Variants in ADCK1 observed in about 807,000 individuals in gnomAD.
The protein encoded by ADCK1 is aarF domain containing kinase 1.
In ADCK1, 41 loss-of-function variants were observed where a neutral mutation model predicts 52.3. The observed-to-expected ratio is 0.78, with a 90% CI of 0.61 to 1.02. ADCK1 has a LOEUF of 1.02. ADCK1 is among the 50% of genes least tolerant of loss of function. The pLI is 0.00. For synonymous variants in ADCK1, 250 were observed against 274.6 expected (o/e 0.91, Z 0.89); for missense variants, 658 against 679.5 (o/e 0.97, Z 0.35).
rs2084338288 is a variant in ADCK1 at position 77,931,596 on chromosome 14, C to G, written c.1285C>G (p.Leu429Val). 1 of 1,613,896 alleles carries G rather than the reference C, an allele frequency of 6.2e-7. No homozygotes were observed. The highest frequency in any genetic ancestry group is 8.5e-7 in the Non-Finnish European group (1 of 1,180,042). ...CCTCAACCACGTGCCGCGCCAGATG[C>G]TGCTCATCTTGAAGACCAACGACCT... ...HLLNHVPRQM[L>V]LILKTNDLLR... The change falls in exon 10 of 11, where the codon CTG becomes GTG. Residue 429 changes from leucine (L) to valine (V), a missense_variant. Leu to Val is a conservative substitution (Grantham distance 32). Coordinates refer to ENST00000238561, the MANE Select transcript of ADCK1 (RefSeq NM_020421.4).
At chr14:77,913,645 CTG>C (rs2083849098) in intron 7 of ADCK1, among the ~76,000 whole-genome samples, 1 of 152,154 alleles carries the variant, frequency 6.6e-6, no homozygotes, top group Admixed American at 6.5e-5. Flanking sequence ...TTCAGTGAGT[CTG>C]TGTTTAAGAT....
intron 1 of ADCK1, among the ~76,000 whole-genome samples, chr14:77,811,622 G>A (rs1015271577): frequency 3.9e-5 from 6 of 152,174 alleles, no homozygotes; most frequent in Non-Finnish European, 7.3e-5. Flanking sequence ...GAGCAACATA[G>A]AGAGACCCTG....
rs368179012 is a variant in ADCK1 at position 77,807,310 on chromosome 14, C to T, written c.-12+7140C>T. Reference sequence around the variant, plus strand: ...GTCTCGATCTCCTGACCTCGTGATCCGCCCGCCTCGGCCTCCCAAAGTGCT... The same window carrying T: ...GTCTCGATCTCCTGACCTCGTGATCTGCCCGCCTCGGCCTCCCAAAGTGCT... On this transcript the variant is annotated intron_variant, in intron 1 of 10. Coordinates refer to ENST00000238561, the MANE Select transcript of ADCK1 (RefSeq NM_020421.4). Among the ~76,000 whole-genome samples, 220 of 151,202 alleles carry T rather than the reference C, an allele frequency of 1.5e-3. 1 individual carries two copies. The highest frequency in any genetic ancestry group is 9.6e-3 in the South Asian group (46 of 4,776).
chr14:77,809,481 C>A (rs60228583), intron 1 of ADCK1, among the ~76,000 whole-genome samples: 1 of 151,672 alleles, frequency 6.6e-6, no homozygotes, highest in African/African-American at 2.4e-5. Flanking sequence ...AGACGTCCAC[C>A]ACCACGCCTG....
chr14:77,925,825 A>G lies in ADCK1; in HGVS notation c.1070A>G (p.Asp357Gly). 6.2e-7 allele frequency: 1 copy of G among 1,614,190 alleles called. No homozygotes were observed. The highest frequency in any genetic ancestry group is 1.3e-5 in the African/African-American group (1 of 75,046). Residue 357 changes from aspartate to glycine, a missense_variant, in exon 9 of 11, where the codon GAC (aspartate) becomes GGC (glycine). Transcript: ENST00000238561. ...CTCTGGCAGTCTCTGATCTGGACTG[A>G]CATGAAGAGAGTGAAGGAGTACAGC... ...CHLWQSLIWT[D>G]MKRVKEYSQR...
chr14:77,807,977 C>G (rs1162544329), intron 1 of ADCK1, among the ~76,000 whole-genome samples: 1 of 152,172 alleles, frequency 6.6e-6, no homozygotes, highest in Admixed American at 6.5e-5. Context: ...CTGACCAAGA[C>G]AGGAATTGGC....
At chr14:77,882,217 C>T (rs928313430) in intron 4 of ADCK1, among the ~76,000 whole-genome samples, 1 of 152,214 alleles carries the variant, frequency 6.6e-6, no homozygotes, top group Admixed American at 6.5e-5. Context: ...TCTCTGCTCA[C>T]CAGGCTCCAG....
chr14:77,882,497 A>G (rs1292234514), intron 4 of ADCK1, among the ~76,000 whole-genome samples: 1 of 152,226 alleles, frequency 6.6e-6, no homozygotes, highest in East Asian at 1.9e-4. Context: ...AATCGGCCTG[A>G]CGTGACCGAG....
intron 9 of ADCK1, 131 bp from the exon 10 acceptor site, chr14:77,931,387 G>A: frequency 1.1e-6 from 1 of 891,842 alleles, no homozygotes; most frequent in Non-Finnish European, 1.7e-6. Context: ...GCAGTGCCAA[G>A]ACAGCGGTGC....
At position 77,812,577 on chromosome 14, in the gene ADCK1, A is replaced by G. The variant is rs181659853; in HGVS notation, c.-11-6391A>G. Among the ~76,000 whole-genome samples, 4 of 152,178 alleles carry G rather than the reference A, an allele frequency of 2.6e-5. No individual in the cohort carries two copies. The East Asian group carries it at 7.7e-4, about 29-fold the overall frequency. The stretch of plus-strand genomic sequence containing the variant: ...CTTAGGTTGTTTCTACATCTTGGCT[A>G]TTGTGCATACTACTGCATATTCTTT... On this transcript the variant is annotated intron_variant, in intron 1 of 10. Coordinates refer to ENST00000238561, the MANE Select transcript of ADCK1 (RefSeq NM_020421.4).
chr14:77,818,417 G>A (rs1241117254), intron 1 of ADCK1, among the ~76,000 whole-genome samples: 2 of 151,940 alleles, frequency 1.3e-5, no homozygotes, highest in African/African-American at 2.4e-5. Flanking sequence ...GAGTAGCTGG[G>A]ACCACAGGCA....
rs57555913 is a variant in ADCK1 at position 77,912,433 on chromosome 14, CGTGTGTGT to C, written c.858+4551_858+4558del. 8.2e-3 allele frequency among the ~76,000 whole-genome samples: 1,137 copies of C among 138,230 alleles called. 10 individuals carry two copies. The highest frequency in any genetic ancestry group is 0.019 in the African/African-American group (697 of 37,344). The allele number at this position is 138,230 out of a possible 152,430, so 90.7% of individuals were successfully genotyped here. A position where few individuals can be genotyped will look rare whatever the true frequency, so the allele number is the denominator to read the frequency against. On this transcript the variant is annotated intron_variant, in intron 7 of 10. Transcript: ENST00000238561. ...CACGGCCTTGAAGACTACGGAGGAG[CGTGTGTGT>C]GTGTGTGTGTGTGTGTGTGTGTGTG...
chr14:77,929,789 C>A (rs2084284171), intron 9 of ADCK1, among the ~76,000 whole-genome samples: 1 of 152,156 alleles, frequency 6.6e-6, no homozygotes, highest in Admixed American at 6.5e-5. Context: ...GCCTCAGCCT[C>A]CTGAGTAGCT....
intron 3 of ADCK1, among the ~76,000 whole-genome samples, chr14:77,838,861 T>C (rs2082011282): frequency 6.6e-6 from 1 of 152,252 alleles, no homozygotes; most frequent in Admixed American, 6.5e-5. Flanking sequence ...ATGCCTACTA[T>C]GTTCCAGGCA....
chr14:77,838,746 A>G (rs2082009353), intron 3 of ADCK1, among the ~76,000 whole-genome samples: 1 of 152,054 alleles, frequency 6.6e-6, no homozygotes, highest in Non-Finnish European at 1.5e-5. Context: ...CCTAACCCCC[A>G]ACATGTTATG....
chr14:77,839,298 A>C (rs1248812077), intron 3 of ADCK1, among the ~76,000 whole-genome samples: 1 of 152,192 alleles, frequency 6.6e-6, no homozygotes, highest in Non-Finnish European at 1.5e-5. Flanking sequence ...CTAGTGCAAA[A>C]TGAAAATGCT....
chr14:77,842,357 T>A (rs374685914), intron 3 of ADCK1, among the ~76,000 whole-genome samples: 26 of 152,298 alleles, frequency 1.7e-4, no homozygotes, highest in African/African-American at 5.8e-4. Context: ...CCTGTTGGTC[T>A]TCACATTGTC....
chr14:77,900,763 C>T (rs947536949), intron 6 of ADCK1: 2 of 340,364 alleles, frequency 5.9e-6, no homozygotes, highest in African/African-American at 2.1e-5. Flanking sequence ...TGATAGTACA[C>T]ATAAGCACAT....
chr14:77,844,910 C>T (rs1334607548), intron 3 of ADCK1, among the ~76,000 whole-genome samples: 1 of 152,164 alleles, frequency 6.6e-6, no homozygotes, highest in Admixed American at 6.5e-5. Context: ...CAAGTCGTCA[C>T]CTGGACTCAG....
Sources: gnomAD v4.1 joint callset for allele counts (sites outside exome capture counted in the v4.1 genomes callset) on GRCh38, gnomAD v4.1.1 for gene constraint, MANE v1.5 for transcripts, NCBI Gene and HGNC (gene_info 2026-07-23, HGNC 2026-07-21) for gene names.